Variants in WDPCP observed in about 807,000 individuals in gnomAD.
WDPCP encodes WD repeat-containing and planar cell polarity effector protein fritz homolog.
WDPCP carries 71 observed loss-of-function variants against 93.1 expected under a neutral mutation model. The ratio of observed to expected loss-of-function variants is 0.76; its 90% confidence interval spans 0.63 to 0.93. The LOEUF is 0.93. Among genes scored for constraint, WDPCP ranks in the 40% least tolerant of loss-of-function variants. The pLI is 0.00. For synonymous variants in WDPCP, 315 were observed against 315.0 expected, an observed-to-expected ratio of 1.00 and a Z score of 0.00; for missense variants, 844 against 887.4, an observed-to-expected ratio of 0.95 and a Z score of 0.62.
intron 17 of WDPCP, among the ~76,000 whole-genome samples, chr2:63,135,072 G>A (rs1337518586): frequency 2.0e-5 from 3 of 152,106 alleles, no homozygotes; most frequent in Admixed American, 2.0e-4. Flanking sequence ...GCAGTGAGCT[G>A]AGATCGCACC....
chr2:63,332,083 C>CAT (rs1158743638), intron 12 of WDPCP, among the ~76,000 whole-genome samples: 24 of 149,840 alleles, frequency 1.6e-4, no homozygotes, highest in Admixed American at 1.4e-3. Flanking sequence ...GGGGGAGATA[C>CAT]ATATATATAT....
At chr2:63,603,677 TGA>T (rs1709473399) in intron 3 of WDPCP, among the ~76,000 whole-genome samples, 1 of 120,954 alleles carries the variant, frequency 8.3e-6, no homozygotes, top group Non-Finnish European at 1.7e-5. Flanking sequence ...TTTTTTTTTT[TGA>T]GACAGTCTCG....
chr2:63,781,417 G>A (rs781503194), intron 2 of WDPCP, among the ~76,000 whole-genome samples: 1 of 152,180 alleles, frequency 6.6e-6, no homozygotes, highest in Non-Finnish European at 1.5e-5. Context: ...AAGGGATAGA[G>A]TGCCTACTCT....
intron 12 of WDPCP, among the ~76,000 whole-genome samples, chr2:63,376,209 G>C (rs1444365508): frequency 3.3e-5 from 5 of 151,666 alleles, no homozygotes; most frequent in Non-Finnish European, 5.9e-5. Flanking sequence ...ATCAAAAGAA[G>C]AACTAATAAA....
intron 1 of WDPCP, among the ~76,000 whole-genome samples, chr2:63,515,746 A>G (rs4671510): frequency 0.8 from 122,370 of 152,238 alleles, 49,879 homozygotes; most frequent in East Asian, 0.98. Context: ...ACCGCTGGGC[A>G]CAGTGGCTCA....
intron 1 of WDPCP, among the ~76,000 whole-genome samples, chr2:63,514,309 G>A (rs1702421469): frequency 6.6e-6 from 1 of 151,978 alleles, no homozygotes; most frequent in Admixed American, 6.6e-5. Context: ...TTAGAAGATG[G>A]GAATAGCAGT....
chr2:63,766,998 T>A (rs1352301400), intron 2 of WDPCP, among the ~76,000 whole-genome samples: 1 of 152,140 alleles, frequency 6.6e-6, no homozygotes, highest in Admixed American at 6.6e-5. Flanking sequence ...TGCCACCTTC[T>A]TGCCCCACCC....
the WDPCP span, among the ~76,000 whole-genome samples, chr2:63,838,310 G>C: frequency 1.3e-5 from 2 of 152,192 alleles, no homozygotes; most frequent in Non-Finnish European, 2.9e-5. Flanking sequence ...CCTGTCTAAA[G>C]CAAAGGAAAA....
intron 2 of WDPCP, among the ~76,000 whole-genome samples, chr2:63,696,272 T>G (rs899559452): frequency 4.0e-5 from 6 of 150,274 alleles, no homozygotes; most frequent in Non-Finnish European, 7.4e-5. Context: ...CATGCACATC[T>G]TCATGGAAGT....
intron 3 of WDPCP, among the ~76,000 whole-genome samples, chr2:63,603,054 G>T (rs1402611491): frequency 1.3e-5 from 2 of 150,296 alleles, no homozygotes; most frequent in African/African-American, 4.9e-5. Flanking sequence ...CCGCCTCCCA[G>T]GTTCAAGAGA....
At chr2:63,569,503 G>A (rs1707319517) in intron 1 of WDPCP, among the ~76,000 whole-genome samples, 1 of 152,134 alleles carries the variant, frequency 6.6e-6, no homozygotes, top group Non-Finnish European at 1.5e-5. Flanking sequence ...CCAGCAAAAT[G>A]GGAAAGCCCA....
In WDPCP at chr2:63,491,614, C is replaced by T. The variant is rs553903240; in HGVS notation, c.160+1242G>A. ...TCAGTATGTAGGCTTCCTTCCATTT[C>T]GTGCCTGTTTTCAGTTCAGCAGGTC... is the stretch of plus-strand genomic sequence containing the variant. On this transcript the variant is annotated intron_variant, in intron 2 of 17. Transcript: ENST00000272321. Among the ~76,000 whole-genome samples the T allele has an allele frequency of 2.1e-3, 323 of 152,238 alleles. 1 individual carries two copies. The highest frequency in any genetic ancestry group is 7.4e-3 in the African/African-American group (308 of 41,518).
chr2:63,516,449 G>GCTACAGCCCTCTGTGAGGCTC (rs1702554988), intron 1 of WDPCP, among the ~76,000 whole-genome samples: 1 of 152,172 alleles, frequency 6.6e-6, no homozygotes, highest in Admixed American at 6.5e-5. Flanking sequence ...TGATGGGGCT[G>GCTACAGCCCTCTGTGAGGCTC]CTACAGCCCT....
In WDPCP at chr2:63,404,420, C is replaced by G; in HGVS notation, c.1063G>C (p.Gly355Arg). Residue 355 changes from glycine to arginine, a missense_variant, in exon 10 of 18, where the codon GGC becomes CGC. Gly to Arg is a moderately radical substitution (Grantham distance 125). Coordinates refer to ENST00000272321, the MANE Select transcript of WDPCP (RefSeq NM_015910.7). The stretch of plus-strand genomic sequence containing the variant: ...AGAATTAGCGAAGAATCTTCACAGC[C>G]CAGAATCAGTTTGTCTTCAGTAACA... ...RNVTEDKLILGCEDSSLILYE... is the reference protein window; with the variant it reads ...RNVTEDKLILRCEDSSLILYE... 6.2e-7 allele frequency: 1 copy of G among 1,614,152 alleles called. No homozygotes were observed. Among genetic ancestry groups the G allele is most frequent in the South Asian group, 1.1e-5 (1 of 91,088 alleles).
intron 16 of WDPCP, 34 bp downstream of exon 16, chr2:63,153,461 A>G (rs750773327): frequency 6.5e-7 from 1 of 1,527,984 alleles, no homozygotes. Context: ...TTTCTGTTAT[A>G]CTTTGAATAC....
chr2:63,359,696 C>T (rs945691332), intron 12 of WDPCP: 2 of 152,188 alleles, frequency 1.3e-5, no homozygotes, highest in Admixed American at 6.5e-5. Context: ...AAAACCTGTA[C>T]ATGAATGTTC....
intron 13 of WDPCP, among the ~76,000 whole-genome samples, chr2:63,298,766 C>T (rs1685082679): frequency 6.6e-6 from 1 of 152,216 alleles, no homozygotes; most frequent in Admixed American, 6.5e-5. Context: ...CTACCTGCCA[C>T]TGTTGCACTT....
intron 1 of WDPCP, among the ~76,000 whole-genome samples, chr2:63,819,204 C>G (rs368345446): frequency 6.6e-6 from 1 of 152,168 alleles, no homozygotes; most frequent in African/African-American, 2.4e-5. Context: ...TGACCTTGAA[C>G]AAGTTATTTA....
chr2:63,224,573 TCAAG>T (rs1426380214), intron 14 of WDPCP, among the ~76,000 whole-genome samples: 1 of 151,868 alleles, frequency 6.6e-6, no homozygotes, highest in Non-Finnish European at 1.5e-5. Flanking sequence ...AAACGAGATA[TCAAG>T]CAATGAAAAA....
Sources: gnomAD v4.1 joint callset for allele counts (sites outside exome capture counted in the v4.1 genomes callset) on GRCh38, gnomAD v4.1.1 for gene constraint, MANE v1.5 for transcripts, NCBI Gene and HGNC (gene_info 2026-07-23, HGNC 2026-07-21) for gene names.